Variants in LMF1 observed in about 807,000 individuals in gnomAD.
The protein encoded by LMF1 is transmembrane protein 112.
LMF1 carries 68 observed loss-of-function variants against 60.6 expected under a neutral mutation model. The ratio of observed to expected loss-of-function variants is 1.12; its 90% CI spans 0.92 to 1.37. LMF1 has a LOEUF of 1.37. Ranked by LOEUF, LMF1 falls within the 40% of genes most tolerant of loss-of-function variation. The pLI is 0.00. For synonymous variants in LMF1, 418 were observed against 324.7 expected, an observed-to-expected ratio of 1.29 and a Z score of -3.09; for missense variants, 948 against 767.2, an observed-to-expected ratio of 1.24 and a Z score of -2.78.
chr16:867,912 C>T (rs1182014785), intron 10 of LMF1, among the ~76,000 whole-genome samples: 2 of 152,178 alleles, frequency 1.3e-5, no homozygotes, highest in Non-Finnish European at 2.9e-5. Flanking sequence ...CCATCCCCGC[C>T]CTCCGGCTCC....
At chr16:918,836 A>AACTCGACTCTCACGCGGGGCCGGCG (rs1567237661) in intron 3 of LMF1, among the ~76,000 whole-genome samples, 1 of 136,134 alleles carries the variant, frequency 7.3e-6, no homozygotes, top group African/African-American at 2.5e-5. Context: ...CGGGGCCGGC[A>AACTCGACTCTCACGCGGGGCCGGCG]TCCCGGGGCG....
chr16:864,387 C>T (rs1345966364), intron 10 of LMF1, among the ~76,000 whole-genome samples: 4 of 152,142 alleles, frequency 2.6e-5, no homozygotes, highest in Non-Finnish European at 4.4e-5. Flanking sequence ...CGGTAGGAAC[C>T]GCACTGTGAG....
intron 5 of LMF1, among the ~76,000 whole-genome samples, chr16:887,459 G>C (rs145574488): frequency 6.6e-6 from 1 of 152,202 alleles, no homozygotes; most frequent in African/African-American, 2.4e-5. Flanking sequence ...ACGCGGTCTC[G>C]GTACCCGTGG....
chr16:890,706 T>C (rs76746609), intron 5 of LMF1, among the ~76,000 whole-genome samples: 4,963 of 152,322 alleles, frequency 0.033, 115 homozygotes, highest in East Asian at 0.11. Flanking sequence ...GGGCCTCTTT[T>C]AAGGACACAG....
chr16:891,016 A>C (rs2151729104), intron 5 of LMF1, among the ~76,000 whole-genome samples: 1 of 152,282 alleles, frequency 6.6e-6, no homozygotes, highest in South Asian at 2.1e-4. Context: ...CACTCCTCAC[A>C]AACAGCACAG....
chr16:976,666 G>A (rs766560060), intron 1 of LMF1: 4 of 454,122 alleles, frequency 8.8e-6, no homozygotes, highest in Non-Finnish European at 1.8e-5. Context: ...ACTGAGAGTG[G>A]AGACGGATAG....
intron 1 of LMF1, among the ~76,000 whole-genome samples, chr16:963,117 CTGGACACAGGG>C (rs1175992910): frequency 1.3e-5 from 2 of 151,850 alleles, no homozygotes; most frequent in Non-Finnish European, 2.9e-5. Flanking sequence ...GGACACAAGG[CTGGACACAGGG>C]TGGACATGAG....
chr16:870,837 A>C lies in LMF1; in HGVS notation c.1124T>G (p.Leu375Arg). ...RAANVSLGVL[L>R]AWLSVPVVLN... ...GACCACGGGCACGCTGAGCCAGGCCAGCAGGACGCCCAGCGAGACGTTGGC... is the reference window on the plus strand; with the variant it reads ...GACCACGGGCACGCTGAGCCAGGCCCGCAGGACGCCCAGCGAGACGTTGGC... The change falls in exon 8 of 11, where the codon CTG (leucine) becomes CGG (arginine). Residue 375 changes from leucine (L) to arginine (R), a missense_variant. Transcript: ENST00000262301. 2 of 1,612,032 alleles carry C rather than the reference A, an allele frequency of 1.2e-6. No homozygotes were observed. Among genetic ancestry groups the C allele is most frequent in the Middle Eastern group, 3.3e-4 (2 of 6,058 alleles).
At chr16:954,093 C>T (rs2072601575) in intron 2 of LMF1, 2 of 576,352 alleles carry the variant, frequency 3.5e-6, no homozygotes, top group Non-Finnish European at 3.2e-6. Flanking sequence ...TTTCCCCATC[C>T]CTCTGGCTCC....
At chr16:977,200 C>G (rs560695517) in intron 1 of LMF1, 13 of 428,452 alleles carry the variant, frequency 3.0e-5, no homozygotes, top group African/African-American at 2.2e-4. Context: ...GCCACCCCAG[C>G]CAACAGGCCA....
At chr16:952,937 C>G (rs1407233202) in intron 2 of LMF1, among the ~76,000 whole-genome samples, 2 of 121,700 alleles carry the variant, frequency 1.6e-5, no homozygotes, top group East Asian at 2.4e-4. Context: ...ACACCCACCC[C>G]AAACCAGCCT....
upstream of LMF1, among the ~76,000 whole-genome samples, chr16:973,453 G>C (rs1199384573): frequency 6.6e-6 from 1 of 152,238 alleles, no homozygotes; most frequent in Non-Finnish European, 1.5e-5. Context: ...CGGAGGTCAT[G>C]AGTTGCGTGA....
intron 10 of LMF1, chr16:856,203 G>A: frequency 5.8e-6 from 2 of 347,166 alleles, no homozygotes; most frequent in Non-Finnish European, 1.1e-5. Flanking sequence ...TGGGCCCCAG[G>A]GGTCTTTCCT....
At chr16:956,220 C>T (rs377360411) in intron 1 of LMF1, among the ~76,000 whole-genome samples, 132 of 150,742 alleles carry the variant, frequency 8.8e-4, no homozygotes, top group African/African-American at 2.9e-3. Context: ...TCACGTCCCA[C>T]GGCGCCCACC....
At chr16:876,290 G>C (rs1278776330) in intron 6 of LMF1, among the ~76,000 whole-genome samples, 1 of 152,250 alleles carries the variant, frequency 6.6e-6, no homozygotes, top group Admixed American at 6.5e-5. Flanking sequence ...TCCCACTCTA[G>C]GATGTCCGGA....
At chr16:979,071 C>G in intron 1 of LMF1, 1 of 454,056 alleles carries the variant, frequency 2.2e-6, no homozygotes. Flanking sequence ...AGGGCAGGAG[C>G]TGTGAGGGTG....
At chr16:939,599 G>A (rs1205950204) in intron 2 of LMF1, among the ~76,000 whole-genome samples, 4 of 150,942 alleles carry the variant, frequency 2.7e-5, no homozygotes, top group Admixed American at 6.6e-5. Context: ...CCTCGACCCT[G>A]CTGTGTCTGC....
chr16:865,194 C>G (rs966924773), intron 10 of LMF1, among the ~76,000 whole-genome samples: 1 of 152,114 alleles, frequency 6.6e-6, no homozygotes, highest in African/African-American at 2.4e-5. Flanking sequence ...GCATAGAAAC[C>G]TCACCTCTAT....
chr16:867,528 C>T (rs2069644974), intron 10 of LMF1, among the ~76,000 whole-genome samples: 1 of 152,212 alleles, frequency 6.6e-6, no homozygotes, highest in African/African-American at 2.4e-5. Context: ...GAAGGACGAG[C>T]TCTGGGGCCT....
Sources: gnomAD v4.1 joint callset for allele counts (sites outside exome capture counted in the v4.1 genomes callset) on GRCh38, gnomAD v4.1.1 for gene constraint, MANE v1.5 for transcripts, NCBI Gene and HGNC (gene_info 2026-07-23, HGNC 2026-07-21) for gene names.